EDNRA: variants seen among roughly 807,000 people sequenced by gnomAD.
The protein encoded by EDNRA is endothelin receptor type A, also known as endothelin-1 receptor.
In EDNRA, 11 loss-of-function variants were observed where a neutral mutation model predicts 41.4. That is an observed-to-expected ratio of 0.27 (90% CI 0.17 to 0.44). The LOEUF is 0.44. Among genes scored for constraint, EDNRA ranks in the 20% least tolerant of loss-of-function variants. The probability of loss-of-function intolerance (pLI) is 1.00; values close to 1 mark genes in which losing one functional copy is unlikely to be tolerated. For missense variants in EDNRA, 294 were observed against 531.0 expected, an observed-to-expected ratio of 0.55 and a Z score of 4.39; for synonymous variants, 172 against 183.0, an observed-to-expected ratio of 0.94 and a Z score of 0.49.
chr4:147,507,037 T>C (rs1257078906), intron 2 of EDNRA, among the ~76,000 whole-genome samples: 2 of 152,198 alleles, frequency 1.3e-5, no homozygotes, highest in East Asian at 3.8e-4. Context: ...CTCTTAAATA[T>C]TAGCTTTTAG....
At position 147,532,460 on chromosome 4, in the gene EDNRA, C is replaced by A. The variant is rs200760453; in HGVS notation, c.549-46C>A. The A allele has an allele frequency of 9.6e-6, 15 of 1,557,982 alleles. 1 individual carries two copies. The highest frequency in any genetic ancestry group is 1.3e-5 in the Non-Finnish European group (15 of 1,132,838). On this transcript the variant is annotated intron_variant, in intron 3 of 7. Transcript: ENST00000651419. ...TTACAATTTTTGTTTAATTGAAATA[C>A]ATTTAAAATTTCCTAACAACTTGGT...
At chr4:147,487,235 T>G (rs560909413) in intron 2 of EDNRA, among the ~76,000 whole-genome samples, 79 of 152,286 alleles carry the variant, frequency 5.2e-4, no homozygotes, top group Non-Finnish European at 7.5e-4. Context: ...GGATTACATT[T>G]CAACATGAGA....
chr4:147,501,696 T>C (rs1036056906), intron 2 of EDNRA, among the ~76,000 whole-genome samples: 2 of 152,232 alleles, frequency 1.3e-5, no homozygotes, highest in Non-Finnish European at 2.9e-5. Flanking sequence ...TGAATATCAA[T>C]ATATGAAAAG....
intron 3 of EDNRA, among the ~76,000 whole-genome samples, chr4:147,525,303 A>G (rs1730498089): frequency 6.6e-6 from 1 of 152,216 alleles, no homozygotes; most frequent in African/African-American, 2.4e-5. Flanking sequence ...AATTTCAACT[A>G]TGGACTTGTC....
At chr4:147,482,344 A>G (rs1265776224) in intron 1 of EDNRA, among the ~76,000 whole-genome samples, 2 of 152,206 alleles carry the variant, frequency 1.3e-5, no homozygotes, top group Admixed American at 1.3e-4. Flanking sequence ...GTAAGGATTC[A>G]GTCCTCTTTC....
intron 4 of EDNRA, among the ~76,000 whole-genome samples, chr4:147,534,999 G>A (rs1041814122): frequency 2.0e-5 from 3 of 152,124 alleles, no homozygotes; most frequent in Admixed American, 1.3e-4. Flanking sequence ...TTTTTACAGA[G>A]CAACATGATT....
chr4:147,497,808 G>A (rs951615864), intron 2 of EDNRA, among the ~76,000 whole-genome samples: 2 of 152,040 alleles, frequency 1.3e-5, no homozygotes, highest in Non-Finnish European at 2.9e-5. Context: ...TCCTGACCTC[G>A]TGATCCGCCC....
chr4:147,541,805 A>T (rs1223401388), intron 7 of EDNRA, among the ~76,000 whole-genome samples: 2 of 152,340 alleles, frequency 1.3e-5, no homozygotes, highest in East Asian at 3.9e-4. Flanking sequence ...ATTGACTAAC[A>T]TGCAGGTTAA....
intron 2 of EDNRA, among the ~76,000 whole-genome samples, chr4:147,511,817 G>A (rs1729937867): frequency 6.6e-6 from 1 of 152,026 alleles, no homozygotes; most frequent in African/African-American, 2.4e-5. Context: ...TTTCCATTAG[G>A]TTTTGGGACT....
intron 3 of EDNRA, among the ~76,000 whole-genome samples, chr4:147,520,957 T>G (rs1730304309): frequency 6.6e-6 from 1 of 152,224 alleles, no homozygotes; most frequent in African/African-American, 2.4e-5. Flanking sequence ...AATGGTATCC[T>G]TGTTATAAAT....
At chr4:147,509,593 A>T (rs1354590483) in intron 2 of EDNRA, among the ~76,000 whole-genome samples, 1 of 152,176 alleles carries the variant, frequency 6.6e-6, no homozygotes, top group Non-Finnish European at 1.5e-5. Context: ...CTGTATTTAC[A>T]GCTGCTCCCC....
At chr4:147,506,622 A>T (rs1729725930) in intron 2 of EDNRA, 1 of 307,220 alleles carries the variant, frequency 3.3e-6, no homozygotes, top group Non-Finnish European at 6.6e-6. Context: ...CATCTTAAGG[A>T]CTTGGTGGAC....
intron 5 of EDNRA, among the ~76,000 whole-genome samples, chr4:147,538,264 C>T (rs1036042303): frequency 2.0e-5 from 3 of 152,050 alleles, no homozygotes; most frequent in Admixed American, 1.3e-4. Flanking sequence ...GAACAGAAAA[C>T]AACCCGTCAT....
intron 2 of EDNRA, among the ~76,000 whole-genome samples, chr4:147,518,961 T>G (rs898433138): frequency 6.6e-6 from 1 of 152,214 alleles, no homozygotes; most frequent in African/African-American, 2.4e-5. Context: ...AATACCTAAT[T>G]AGACAAATAC....
At chr4:147,500,074 G>A (rs1729458599) in intron 2 of EDNRA, among the ~76,000 whole-genome samples, 2 of 151,908 alleles carry the variant, frequency 1.3e-5, no homozygotes, top group African/African-American at 4.8e-5. Context: ...CAAAGTGCTG[G>A]GATTACGAGT....
intron 2 of EDNRA, among the ~76,000 whole-genome samples, chr4:147,514,173 C>A (rs950242682): frequency 2.0e-5 from 3 of 152,110 alleles, no homozygotes; most frequent in Non-Finnish European, 4.4e-5. Context: ...TGAGAACTAC[C>A]CCCATTTAAC....
At position 147,542,474 on chromosome 4, in the gene EDNRA, C is replaced by T; in HGVS notation, c.1144-4C>T. 1 of 1,614,122 alleles carries T rather than the reference C, an allele frequency of 6.2e-7. No individual in the cohort carries two copies. The highest frequency in any genetic ancestry group is 1.3e-5 in the African/African-American group (1 of 75,044). On this transcript the variant is annotated splice_region_variant and splice_polypyrimidine_tract_variant and intron_variant, in intron 7 of 7. Coordinates refer to ENST00000651419, the MANE Select transcript of EDNRA (RefSeq NM_001957.4). Reference sequence around the variant, plus strand: ...CCTTACTTCGAGTCTGTTCCTTCCCCCAGTCATGCCTCTGCTGCTGCTGTT... The same window carrying T: ...CCTTACTTCGAGTCTGTTCCTTCCCTCAGTCATGCCTCTGCTGCTGCTGTT...
rs1731052133 is a variant in EDNRA, at chr4:147,540,231, A to G, written c.1035-146A>G. On this transcript the variant is annotated intron_variant, in intron 6 of 7. Transcript: ENST00000651419. ...CCTGCAAAACTGAAACTGCCGTTTA[A>G]ACAAGCACTTTTTACAAAATTCTAA... 5.1e-6 allele frequency: 4 copies of G among 785,172 alleles called. No homozygotes were observed. The East Asian group carries it at 8.1e-5, about 16-fold the overall frequency. 48.6% of individuals were successfully genotyped at this position (785,172 alleles called of 1,614,324 possible).
intron 6 of EDNRA, 121 bp downstream of exon 6, chr4:147,540,071 A>T: frequency 1.4e-6 from 2 of 1,382,208 alleles, no homozygotes; most frequent in Non-Finnish European, 1.9e-6. Context: ...TGCAAAGTTG[A>T]TTTTTTTCTT....
Sources: gnomAD v4.1 joint callset for allele counts (sites outside exome capture counted in the v4.1 genomes callset) on GRCh38, gnomAD v4.1.1 for gene constraint, MANE v1.5 for transcripts, NCBI Gene and HGNC (gene_info 2026-07-23, HGNC 2026-07-21) for gene names.